The following CD82 variants were observed in gnomAD, a reference collection of about 807,000 sequenced individuals.
The protein encoded by CD82 is CD82 antigen.
In CD82, 36 loss-of-function variants were observed where a neutral mutation model predicts 37.4. The observed-to-expected ratio is 0.96, with a 90% CI of 0.74 to 1.27. The LOEUF (loss-of-function observed/expected upper bound fraction) is 1.27. CD82 is among the 50% of genes most tolerant of loss of function. CD82 has a pLI of 0.00. For synonymous variants in CD82, 158 were observed against 137.4 expected, an observed-to-expected ratio of 1.15 and a Z score of -1.05; for missense variants, 340 against 347.0, an observed-to-expected ratio of 0.98 and a Z score of 0.16.
At chr11:44,618,965 C>A in intron 9 of CD82, 84 bp from the exon 10 acceptor site, 2 of 1,198,654 alleles carry the variant, frequency 1.7e-6, no homozygotes, top group Non-Finnish European at 2.5e-6. Flanking sequence ...TCCACTTAAT[C>A]CCCATGTAAA....
rs756298424 is a variant in CD82, at chr11:44,618,401, G to C, written c.642+36G>C. 1.9e-6 allele frequency: 3 copies of C among 1,579,852 alleles called. No individual in the cohort carries two copies. The South Asian group carries it at 3.3e-5, about 18-fold the overall frequency. ...GGCTGCGGATCGGGGGCGGGGCTCC[G>C]AGGGCGTTGGGGGCCATCTGGGCTA... is the stretch of plus-strand genomic sequence containing the variant. On this transcript the variant is annotated intron_variant, in intron 8 of 9. Coordinates refer to ENST00000227155, the MANE Select transcript of CD82 (RefSeq NM_002231.4).
chr11:44,578,526 C>A (rs879373486), intron 1 of CD82, among the ~76,000 whole-genome samples: 1 of 152,208 alleles, frequency 6.6e-6, no homozygotes, highest in Non-Finnish European at 1.5e-5. Flanking sequence ...ATAATGATCA[C>A]CACACTTCCC....
intron 1 of CD82, among the ~76,000 whole-genome samples, chr11:44,580,468 C>T (rs573465026): frequency 6.6e-6 from 1 of 152,210 alleles, no homozygotes; most frequent in Admixed American, 6.5e-5. Context: ...TGGCTCACGC[C>T]GTAATCCCAG....
chr11:44,575,185 G>A (rs1320419254), intron 1 of CD82, among the ~76,000 whole-genome samples: 4 of 152,212 alleles, frequency 2.6e-5, no homozygotes, highest in Non-Finnish European at 5.9e-5. Flanking sequence ...TTTAGGGTAT[G>A]TGTATCTGTG....
At chr11:44,581,333 T>C (rs979673541) in intron 1 of CD82, among the ~76,000 whole-genome samples, 1 of 152,186 alleles carries the variant, frequency 6.6e-6, no homozygotes, top group South Asian at 2.1e-4. Context: ...TGAGTCTCAG[T>C]TTCTGCAGTT....
chr11:44,618,794 T>C (rs545079990), intron 9 of CD82, 71 bp downstream of exon 9: 3 of 1,368,922 alleles, frequency 2.2e-6, no homozygotes, highest in Non-Finnish European at 3.1e-6. Flanking sequence ...GCTGATCTCC[T>C]TGGGGAGGTG....
At chr11:44,574,014 T>G (rs565534984) in intron 1 of CD82, among the ~76,000 whole-genome samples, 2 of 152,318 alleles carry the variant, frequency 1.3e-5, no homozygotes, top group Middle Eastern at 3.4e-3. Context: ...GGGGAAATGA[T>G]AGGGAGTCTT....
rs878955877 is a variant in CD82 at position 44,619,256 on chromosome 11, A to AG, written c.*135dup. The stretch of plus-strand genomic sequence containing the variant: ...CCTCTTGCCCATCCTGACTGAAAGT[A>AG]GGGGGCTTTCTGGGGCCTAGCGATC... On this transcript the variant is annotated 3_prime_UTR_variant, in exon 10 of 10. Transcript: ENST00000227155. The AG allele has an allele frequency of 9.5e-6, 7 of 735,306 alleles. No individual in the cohort carries two copies. Among genetic ancestry groups the AG allele is most frequent in the South Asian group, 3.1e-5 (2 of 65,142 alleles). 45.5% of individuals were successfully genotyped at this position (735,306 alleles called of 1,614,324 possible).
intron 6 of CD82, chr11:44,606,254 G>A (rs1853393838): frequency 1.3e-5 from 2 of 152,272 alleles, no homozygotes; most frequent in Non-Finnish European, 2.9e-5. Context: ...TACTTAGGGA[G>A]GCAGAGGTGG....
intron 1 of CD82, among the ~76,000 whole-genome samples, chr11:44,586,216 C>G (rs575897301): frequency 1.3e-5 from 2 of 152,310 alleles, no homozygotes; most frequent in African/African-American, 2.4e-5. Context: ...GCATCAACAA[C>G]TTTCAGAACT....
chr11:44,593,209 G>A (rs573060217), intron 2 of CD82, among the ~76,000 whole-genome samples: 18 of 152,336 alleles, frequency 1.2e-4, no homozygotes, highest in Non-Finnish European at 2.1e-4. Flanking sequence ...TGTGTAGCCG[G>A]GGAAATTGAA....
Position 44,619,214 on chromosome 11 carries a change from C to T in CD82, c.*88C>T. 6.7e-6 allele frequency: 7 copies of T among 1,045,784 alleles called. No individual in the cohort carries two copies. Among genetic ancestry groups the T allele is most frequent in the Non-Finnish European group, 1.1e-5 (7 of 665,524 alleles). 64.8% of individuals were successfully genotyped at this position (1,045,784 alleles called of 1,614,324 possible). A position where few individuals can be genotyped will look rare whatever the true frequency, so the allele number is the denominator to read the frequency against. On this transcript the variant is annotated 3_prime_UTR_variant, in exon 10 of 10. Coordinates refer to ENST00000227155, the MANE Select transcript of CD82 (RefSeq NM_002231.4). Reference sequence around the variant, plus strand: ...GGCTCCCTCCTCCAGGCCTGCCTCCCACTTCACTGCGAAGACCCTCTTGCC... The same window carrying T: ...GGCTCCCTCCTCCAGGCCTGCCTCCTACTTCACTGCGAAGACCCTCTTGCC...
rs759521623 is a variant in CD82, at chr11:44,605,146, C to T, written c.225C>T (p.Ile75=). 2.5e-6 allele frequency: 4 copies of T among 1,614,050 alleles called. No homozygotes were observed. The highest frequency in any genetic ancestry group is 2.7e-5 in the African/African-American group (2 of 74,924). ...VTMLMGFLGC[I]GAVNEVRCLL... ...TGCTCATGGGCTTCCTGGGCTGCAT[C>T]GGCGCCGTCAACGAGGTCCGCTGCC... The change falls in exon 5 of 10, where the codon ATC becomes ATT. Residue 75 remains isoleucine (I), a synonymous_variant. Transcript: ENST00000227155.
In CD82 at chr11:44,606,467, C is replaced by CAAA. The variant is rs386373732; in HGVS notation, c.336+1056_336+1058dup. On this transcript the variant is annotated intron_variant, in intron 6 of 9. Transcript: ENST00000227155. ...GGGGCAACAGAGTGAGACCCTGTCT[C>CAAA]AAAAAAAAAAAAAAAAAAAAGTCCT... 9.4e-3 allele frequency: 981 copies of CAAA among 104,784 alleles called. 18 individuals carry two copies. Among genetic ancestry groups the CAAA allele is most frequent in the East Asian group, 0.036 (133 of 3,708 alleles). The allele number at this position is 104,784 out of a possible 1,614,324, so 6.5% of individuals were successfully genotyped here.
At chr11:44,587,813 T>C (rs939411460) in intron 2 of CD82, 3 of 349,616 alleles carry the variant, frequency 8.6e-6, no homozygotes, top group South Asian at 4.2e-5. Flanking sequence ...CAACCTGCCC[T>C]GCGGGCAAGG....
chr11:44,598,800 T>A (rs1011771727), intron 3 of CD82, among the ~76,000 whole-genome samples: 2 of 152,198 alleles, frequency 1.3e-5, no homozygotes, highest in African/African-American at 4.8e-5. Context: ...CTCGGGGCTC[T>A]ATGGCAGCTG....
chr11:44,589,311 A>G (rs1853105888), intron 2 of CD82, among the ~76,000 whole-genome samples: 1 of 152,226 alleles, frequency 6.6e-6, no homozygotes. Context: ...CCTGCTGCTC[A>G]CAGCTCTCTG....
At chr11:44,602,957 T>G (rs1565090876) in intron 4 of CD82, among the ~76,000 whole-genome samples, 1 of 152,154 alleles carries the variant, frequency 6.6e-6, no homozygotes, top group East Asian at 1.9e-4. Context: ...AATCAGGATG[T>G]GAGTACAGCC....
At chr11:44,598,370 T>C (rs1363389373) in intron 3 of CD82, among the ~76,000 whole-genome samples, 1 of 150,832 alleles carries the variant, frequency 6.6e-6, no homozygotes, top group East Asian at 1.9e-4. Flanking sequence ...CAAAGTTTAA[T>C]AGTTCAGTTA....
Sources: gnomAD v4.1 joint callset for allele counts (sites outside exome capture counted in the v4.1 genomes callset) on GRCh38, gnomAD v4.1.1 for gene constraint, MANE v1.5 for transcripts, NCBI Gene and HGNC (gene_info 2026-07-23, HGNC 2026-07-21) for gene names.